TBC1D22A: variants seen among roughly 807,000 people sequenced by gnomAD.
The protein encoded by TBC1D22A is putative GTPase activator.
A neutral mutation model predicts 60.2 loss-of-function variants in TBC1D22A; 38 were observed. That is an observed-to-expected ratio of 0.63 (90% CI 0.49 to 0.83). TBC1D22A has a LOEUF of 0.83. Ranked by LOEUF, TBC1D22A falls within the 40% of genes least tolerant of loss-of-function variation. The pLI is 0.00. For missense variants in TBC1D22A, 628 were observed against 701.0 expected, an observed-to-expected ratio of 0.90 and a Z score of 1.18; for synonymous variants, 302 against 281.7, an observed-to-expected ratio of 1.07 and a Z score of -0.72.
At chr22:47,015,202 C>T (rs1490381767) in intron 10 of TBC1D22A, among the ~76,000 whole-genome samples, 1 of 152,208 alleles carries the variant, frequency 6.6e-6, no homozygotes, top group Non-Finnish European at 1.5e-5. Context: ...CTGAAGGTGG[C>T]CTATGTCAGC....
chr22:47,147,954 C>T (rs981282069), intron 12 of TBC1D22A, among the ~76,000 whole-genome samples: 4 of 152,186 alleles, frequency 2.6e-5, no homozygotes, highest in African/African-American at 9.6e-5. Context: ...GGCTGTGCTG[C>T]TCCTGGGAGG....
intron 10 of TBC1D22A, among the ~76,000 whole-genome samples, chr22:47,008,782 C>T (rs1337105228): frequency 6.6e-6 from 1 of 152,200 alleles, no homozygotes; most frequent in Non-Finnish European, 1.5e-5. Context: ...TCTGTCCCTT[C>T]TTCCAGGTAG....
chr22:47,095,169 G>T (rs1241070010), intron 11 of TBC1D22A, among the ~76,000 whole-genome samples: 1 of 152,276 alleles, frequency 6.6e-6, no homozygotes, highest in Non-Finnish European at 1.5e-5. Context: ...GTCTGGTGAT[G>T]AATATTTCAA....
At chr22:46,963,377 C>CT (rs1373445843) in intron 8 of TBC1D22A, among the ~76,000 whole-genome samples, 3 of 151,508 alleles carry the variant, frequency 2.0e-5, no homozygotes, top group Admixed American at 6.6e-5. Flanking sequence ...TCCCGCAGTG[C>CT]CCAAGGCTGG....
At chr22:46,844,566 A>T (rs1195279291) in intron 4 of TBC1D22A, among the ~76,000 whole-genome samples, 2 of 152,150 alleles carry the variant, frequency 1.3e-5, no homozygotes, top group Non-Finnish European at 1.5e-5. Context: ...GGGTATAAGG[A>T]TGGGGAGAGC....
chr22:46,889,123 G>A (rs1424392256), intron 5 of TBC1D22A, among the ~76,000 whole-genome samples: 3 of 152,186 alleles, frequency 2.0e-5, no homozygotes, highest in African/African-American at 7.2e-5. Flanking sequence ...ATAGACTGGG[G>A]AGAGGAATGA....
At chr22:46,960,341 A>C (rs1350611694) in intron 8 of TBC1D22A, among the ~76,000 whole-genome samples, 1 of 151,778 alleles carries the variant, frequency 6.6e-6, no homozygotes, top group Non-Finnish European at 1.5e-5. Flanking sequence ...GGCTCACTGC[A>C]ACCTCCGACT....
chr22:47,022,413 C>T (rs987974506), intron 10 of TBC1D22A, among the ~76,000 whole-genome samples: 17 of 152,112 alleles, frequency 1.1e-4, no homozygotes, highest in Admixed American at 2.0e-4. Context: ...TGTCAGGAGG[C>T]ACCTGCAGGT....
chr22:47,155,921 G>A (rs1055728178), intron 12 of TBC1D22A, among the ~76,000 whole-genome samples: 1 of 152,374 alleles, frequency 6.6e-6, no homozygotes, highest in East Asian at 1.9e-4. Context: ...AGGTAAATAA[G>A]GATGAACTTT....
chr22:46,840,815 T>A lies in TBC1D22A; in HGVS notation c.638-37838T>A, dbSNP rs115766284. On this transcript the variant is annotated intron_variant, in intron 4 of 12. Coordinates refer to ENST00000337137, the MANE Select transcript of TBC1D22A (RefSeq NM_014346.5). Reference sequence around the variant, plus strand: ...AACCTTTTTACACCATTGGTGGGAATGTAAATTGATATAGCCTTTATGGAA... The same window carrying A: ...AACCTTTTTACACCATTGGTGGGAAAGTAAATTGATATAGCCTTTATGGAA... 4.0e-3 allele frequency among the ~76,000 whole-genome samples: 608 copies of A among 151,866 alleles called. 4 individuals are homozygous for A. Among genetic ancestry groups the A allele is most frequent in the African/African-American group, 0.014 (581 of 41,412 alleles).
chr22:46,948,924 G>A (rs905297234), intron 8 of TBC1D22A, among the ~76,000 whole-genome samples: 7 of 152,186 alleles, frequency 4.6e-5, no homozygotes, highest in African/African-American at 1.7e-4. Flanking sequence ...CTATGTGCCG[G>A]GGGTGAGAGC....
chr22:47,170,205 G>A lies in TBC1D22A; in HGVS notation c.1426-3293G>A, dbSNP rs143796113. ...AGCATTGCAGGCTGCGAAGAACTGG[G>A]CATTTCTATTCTCCCTCCATCCAGT... On this transcript the variant is annotated intron_variant, in intron 12 of 12. Transcript: ENST00000337137. Among the ~76,000 whole-genome samples, 140 of 152,278 alleles carry A rather than the reference G, an allele frequency of 9.2e-4. 1 individual carries two copies. In the Middle Eastern group the frequency reaches 0.014, roughly 15 times the overall value.
chr22:47,004,520 C>CCTATA (rs929312119), intron 10 of TBC1D22A, among the ~76,000 whole-genome samples: 41 of 150,206 alleles, frequency 2.7e-4, no homozygotes, highest in African/African-American at 9.8e-4. Flanking sequence ...TTCACATATG[C>CCTATA]CTATACACAC....
intron 1 of TBC1D22A, among the ~76,000 whole-genome samples, chr22:46,766,242 C>T (rs1418689523): frequency 2.0e-5 from 3 of 152,130 alleles, no homozygotes; most frequent in African/African-American, 7.2e-5. Flanking sequence ...TGTGATCCTC[C>T]TGCCTCGGTC....
intron 4 of TBC1D22A, among the ~76,000 whole-genome samples, chr22:46,819,500 G>T (rs1210169334): frequency 3.9e-5 from 6 of 152,114 alleles, no homozygotes; most frequent in African/African-American, 9.7e-5. Context: ...GATAATCGTG[G>T]TTTTTTGTCA....
chr22:47,173,727 G>T lies in TBC1D22A; in HGVS notation c.*101G>T. 6.4e-7 allele frequency: 1 copy of T among 1,554,644 alleles called. No homozygotes were observed. The highest frequency in any genetic ancestry group is 8.7e-7 in the Non-Finnish European group (1 of 1,144,416). ...TGAGCTGGTCCCGGGCTGCTAAAAGGCCTTGTGAGGTGGCCCCACCCTCCA... is the reference window on the plus strand; with the variant it reads ...TGAGCTGGTCCCGGGCTGCTAAAAGTCCTTGTGAGGTGGCCCCACCCTCCA... On this transcript the variant is annotated 3_prime_UTR_variant, in exon 13 of 13. Coordinates refer to ENST00000337137, the MANE Select transcript of TBC1D22A (RefSeq NM_014346.5).
intron 4 of TBC1D22A, among the ~76,000 whole-genome samples, chr22:46,873,699 A>G (rs1238768344): frequency 6.6e-6 from 1 of 151,844 alleles, no homozygotes; most frequent in African/African-American, 2.4e-5. Flanking sequence ...GCCTCACAAC[A>G]TGTGGTATTT....
intron 9 of TBC1D22A, among the ~76,000 whole-genome samples, chr22:46,978,621 T>A (rs2074396839): frequency 1.3e-5 from 2 of 152,114 alleles, no homozygotes; most frequent in Admixed American, 1.3e-4. Flanking sequence ...TGTTTGTTTG[T>A]TTGTTTGTTT....
At chr22:46,960,583 T>TGGCCAAAACCA (rs2073441881) in intron 8 of TBC1D22A, among the ~76,000 whole-genome samples, 1 of 152,162 alleles carries the variant, frequency 6.6e-6, no homozygotes, top group Non-Finnish European at 1.5e-5. Flanking sequence ...TTTGGCCCTT[T>TGGCCAAAACCA]GGCAGTGTCC....
Sources: allele counts gnomAD v4.1 joint callset (sites outside exome capture counted in the v4.1 genomes callset), GRCh38; gene constraint gnomAD v4.1.1; transcripts MANE v1.5; gene names NCBI Gene and HGNC (gene_info 2026-07-23, HGNC 2026-07-21).